The following SORBS2 variants were observed in gnomAD, a reference collection of about 807,000 sequenced individuals.
The protein encoded by SORBS2 is sorbin and SH3 domain-containing protein 2.
A neutral mutation model predicts 97.7 loss-of-function variants in SORBS2; 46 were observed. That is an observed-to-expected ratio of 0.47 (90% confidence interval 0.37 to 0.60). SORBS2 has a LOEUF of 0.60. Among genes scored for constraint, SORBS2 ranks in the 20% least tolerant of loss-of-function variants. The pLI is 0.00. For synonymous variants in SORBS2, 476 were observed against 473.4 expected (o/e 1.01, Z -0.07); for missense variants, 1,316 against 1,282.3 (o/e 1.03, Z -0.40).
intron 1 of SORBS2, among the ~76,000 whole-genome samples, chr4:185,825,734 A>G (rs2099199422): frequency 6.6e-6 from 1 of 152,232 alleles, no homozygotes; most frequent in Non-Finnish European, 1.5e-5. Context: ...TCTAGAGGCT[A>G]GATTACTTTA....
At chr4:185,871,294 C>T (rs1561253883) in intron 1 of SORBS2, among the ~76,000 whole-genome samples, 1 of 152,024 alleles carries the variant, frequency 6.6e-6, no homozygotes, top group Non-Finnish European at 1.5e-5. Flanking sequence ...ACATGAAGCT[C>T]AGAAAAACAC....
intron 4 of SORBS2, among the ~76,000 whole-genome samples, chr4:185,670,091 T>G (rs1008488777): frequency 6.6e-6 from 1 of 151,930 alleles, no homozygotes; most frequent in Admixed American, 6.6e-5. Context: ...TGATGGCAGG[T>G]GCCTGTAATC....
intron 1 of SORBS2, among the ~76,000 whole-genome samples, chr4:185,803,618 G>A (rs566890691): frequency 9.2e-5 from 14 of 151,994 alleles, no homozygotes; most frequent in Non-Finnish European, 2.1e-4. Context: ...AAAATTAATT[G>A]AAAATGTAGT....
intron 1 of SORBS2, among the ~76,000 whole-genome samples, chr4:185,950,068 A>G (rs532959790): frequency 3.0e-4 from 45 of 152,340 alleles, no homozygotes; most frequent in African/African-American, 1.1e-3. Flanking sequence ...CCTGGCCACC[A>G]TGGTGAAACC....
At chr4:185,610,454 G>T (rs901298756) in intron 12 of SORBS2, among the ~76,000 whole-genome samples, 1 of 151,988 alleles carries the variant, frequency 6.6e-6, no homozygotes, top group Admixed American at 6.6e-5. Flanking sequence ...AACAAAATTG[G>T]ATAGTACCAA....
intron 1 of SORBS2, among the ~76,000 whole-genome samples, chr4:185,781,637 CCTCCGGCCT>C (rs537388553): frequency 0.5 from 69,174 of 139,264 alleles, 17,376 homozygotes; most frequent in Non-Finnish European, 0.58. Context: ...CCTTCCATTG[CCTCCGGCCT>C]CTCCAGCGTC....
At chr4:185,731,197 G>A (rs1336546441) in intron 2 of SORBS2, among the ~76,000 whole-genome samples, 2 of 152,158 alleles carry the variant, frequency 1.3e-5, no homozygotes, top group East Asian at 3.9e-4. Flanking sequence ...TGCAGAGGCT[G>A]TAAGGCTGCC....
At chr4:185,782,525 C>G (rs1193362361) in intron 1 of SORBS2, among the ~76,000 whole-genome samples, 1 of 152,122 alleles carries the variant, frequency 6.6e-6, no homozygotes, top group African/African-American at 2.4e-5. Flanking sequence ...CTATATATTG[C>G]CTGGCAGTTA....
chr4:185,849,747 G>C (rs1008323834), intron 1 of SORBS2, among the ~76,000 whole-genome samples: 24 of 152,160 alleles, frequency 1.6e-4, no homozygotes, highest in African/African-American at 5.5e-4. Context: ...TCCAATGAAT[G>C]TGTAACTATC....
intron 1 of SORBS2, among the ~76,000 whole-genome samples, chr4:185,877,604 C>T (rs1401765155): frequency 1.3e-5 from 2 of 152,074 alleles, no homozygotes; most frequent in Non-Finnish European, 2.9e-5. Flanking sequence ...TGGTGGCTCA[C>T]ACCTATAATC....
intron 1 of SORBS2, among the ~76,000 whole-genome samples, chr4:185,936,110 C>T (rs1489285072): frequency 2.0e-5 from 3 of 152,178 alleles, no homozygotes; most frequent in Non-Finnish European, 4.4e-5. Flanking sequence ...TAGCCCGACT[C>T]GGCCTCCCAA....
chr4:185,788,770 C>T (rs2099067627), intron 1 of SORBS2, among the ~76,000 whole-genome samples: 1 of 152,208 alleles, frequency 6.6e-6, no homozygotes, highest in Non-Finnish European at 1.5e-5. Context: ...TCTTCACCAA[C>T]GGTGCCCATC....
intron 5 of SORBS2, 59 bp from the exon 18 acceptor site, chr4:185,627,078 G>C: frequency 6.6e-7 from 1 of 1,507,476 alleles, no homozygotes; most frequent in Admixed American, 1.7e-5. Flanking sequence ...GTGTGCACCA[G>C]AAAAACCGGT....
At chr4:185,589,620 G>T in intron 14 of SORBS2, 59 bp downstream of exon 26, 1 of 911,454 alleles carries the variant, frequency 1.1e-6, no homozygotes, top group Non-Finnish European at 1.8e-6. Context: ...CCACGGGAGT[G>T]AGCAAACTCA....
At chr4:185,821,083 G>A (rs2099196546) in intron 1 of SORBS2, among the ~76,000 whole-genome samples, 2 of 152,206 alleles carry the variant, frequency 1.3e-5, no homozygotes, top group African/African-American at 4.8e-5. Flanking sequence ...GAACGTGAGG[G>A]AACAAATAGT....
In SORBS2 at chr4:185,623,526, A is replaced by T; in HGVS notation, c.1603T>A (p.Ser535Thr). 2.0e-5 allele frequency: 32 copies of T among 1,613,868 alleles called. No homozygotes were observed. The highest frequency in any genetic ancestry group is 2.7e-5 in the Non-Finnish European group (32 of 1,179,996). Reference sequence around the variant, plus strand: ...CTGGATCCGTAAAAGCTTTCGGAGGATGTGAAGGAAAAGTGATCAAAGTCA... The same window carrying T: ...CTGGATCCGTAAAAGCTTTCGGAGGTTGTGAAGGAAAAGTGATCAAAGTCA... Residue 535 changes from serine to threonine, a missense_variant, in exon 7 of 15, where the codon TCC becomes ACC. Transcript: ENST00000418609. This position sits in a 1 kb window ranked among gnomAD's most constrained non-coding sequence, Gnocchi z 6.4.
chr4:185,731,856 CTCTCTCTCTCTA>C (rs2098637778), intron 2 of SORBS2, among the ~76,000 whole-genome samples: 2 of 35,308 alleles, frequency 5.7e-5, no homozygotes, highest in Non-Finnish European at 1.1e-4. Context: ...CTCTCTCTCT[CTCTCTCTCTCTA>C]TATATATATA....
chr4:185,932,734 C>G (rs937022620), intron 1 of SORBS2, among the ~76,000 whole-genome samples: 13 of 133,936 alleles, frequency 9.7e-5, no homozygotes, highest in South Asian at 2.3e-4. Flanking sequence ...GATGAGCCCC[C>G]CTGGGGCTCG....
At chr4:185,737,816 C>T (rs571194127) in intron 2 of SORBS2, among the ~76,000 whole-genome samples, 242 of 152,302 alleles carry the variant, frequency 1.6e-3, no homozygotes, top group Middle Eastern at 3.4e-3. Context: ...AATGGGAAAA[C>T]AGTTTTAACA....
Sources: gnomAD v4.1 joint callset for allele counts (sites outside exome capture counted in the v4.1 genomes callset) on GRCh38, gnomAD v4.1.1 for gene constraint, Gnocchi (gnomAD v3.1) non-coding constraint, MANE v1.5 for transcripts, NCBI Gene and HGNC (gene_info 2026-07-23, HGNC 2026-07-21) for gene names.